Variants in ATR observed in about 807,000 individuals in gnomAD.
The protein encoded by ATR is serine/threonine-protein kinase ATR.
In ATR, 142 loss-of-function variants were observed where a neutral mutation model predicts 305.3. That is an observed-to-expected ratio of 0.47 (90% confidence interval 0.41 to 0.53). The LOEUF (loss-of-function observed/expected upper bound fraction) is 0.53, where lower values mean the gene tolerates loss of function less well. Ranked by LOEUF, ATR falls within the 20% of genes least tolerant of loss-of-function variation. The pLI, the probability that ATR is intolerant of heterozygous loss-of-function variation, is 0.00. For synonymous variants in ATR, 1,050 were observed against 1,068.1 expected (o/e 0.98, Z 0.33); for missense variants, 2,135 against 3,133.1 (o/e 0.68, Z 7.60).
At chr3:142,552,926 TG>T (rs2034527451) in intron 13 of ATR, among the ~76,000 whole-genome samples, 1 of 132,670 alleles carries the variant, frequency 7.5e-6, no homozygotes, top group Non-Finnish European at 1.6e-5. Context: ...CATGGACACA[TG>T]GGGGGAACAA....
At chr3:142,461,751 TGGAA>T (rs577425835) in intron 42 of ATR, among the ~76,000 whole-genome samples, 185 bp downstream of exon 42, 19 of 151,110 alleles carry the variant, frequency 1.3e-4, no homozygotes, top group South Asian at 2.1e-4. Context: ...GGAATCAAAA[TGGAA>T]GGAAGGAAGG....
intron 35 of ATR, among the ~76,000 whole-genome samples, chr3:142,490,290 A>G (rs2031200742): frequency 6.6e-6 from 1 of 152,174 alleles, no homozygotes; most frequent in Admixed American, 6.5e-5. Context: ...TCCTAGCTTC[A>G]AGTGATCCTC....
At chr3:142,476,505 T>A (rs2071455329) in intron 36 of ATR, among the ~76,000 whole-genome samples, 2 of 151,862 alleles carry the variant, frequency 1.3e-5, no homozygotes, top group Non-Finnish European at 2.9e-5. Context: ...AGCCTTGTAG[T>A]ATAGCTTGAA....
chr3:142,510,161 TAG>T (rs1193048776), intron 27 of ATR, among the ~76,000 whole-genome samples: 2 of 136,278 alleles, frequency 1.5e-5, no homozygotes, highest in Non-Finnish European at 3.1e-5. Flanking sequence ...ATGGTGATAA[TAG>T]AGTGTTTGGT....
Position 142,513,552 on chromosome 3 carries a change from T to C in ATR, c.4590A>G (p.Pro1530=), listed in dbSNP as rs1468718011. The part of the protein sequence containing the change: ...HDFKVTIYLL[P]HILVYVLLGC... ...CCAGTAAGACATACACCAGAATATG[T>C]GGAAGAAGATAGATGGTCACTTTGA... The change falls in exon 26 of 47, where the codon CCA becomes CCG. Residue 1530 remains proline (P), a synonymous_variant. Transcript: ENST00000350721. The C allele has an allele frequency of 2.5e-6, 4 of 1,613,286 alleles. No individual in the cohort carries two copies. The highest frequency in any genetic ancestry group is 3.4e-6 in the Non-Finnish European group (4 of 1,179,360).
intron 22 of ATR, 54 bp from the exon 23 acceptor site, chr3:142,522,895 T>C: frequency 2.3e-6 from 3 of 1,325,256 alleles, no homozygotes; most frequent in Admixed American, 3.4e-5. Context: ...TAAATTTTCT[T>C]AGGTGTACTG....
At chr3:142,449,963 TTTACA>T in intron 46 of ATR, 1 of 346,516 alleles carries the variant, frequency 2.9e-6, no homozygotes, top group South Asian at 2.9e-5. Context: ...CTGCCTAATA[TTTACA>T]TTATGTTAGT....
chr3:142,573,297 A>C (rs2035332077), intron 1 of ATR, among the ~76,000 whole-genome samples: 1 of 151,976 alleles, frequency 6.6e-6, no homozygotes, highest in Non-Finnish European at 1.5e-5. Context: ...AGATAGAAAA[A>C]TTAGCCAGGC....
At chr3:142,486,959 C>CAAAAAAAAAAAA (rs60024459) in intron 35 of ATR, among the ~76,000 whole-genome samples, 17 of 69,636 alleles carry the variant, frequency 2.4e-4, no homozygotes, top group Middle Eastern at 0.012. Context: ...ACTAAAAATA[C>CAAAAAAAAAAAA]AAAAAAAAAA....
chr3:142,576,632 G>T (rs1032226297), intron 1 of ATR, among the ~76,000 whole-genome samples: 4 of 152,174 alleles, frequency 2.6e-5, no homozygotes, highest in Admixed American at 6.5e-5. Flanking sequence ...TAGGACATGT[G>T]GGGAATTTGT....
At chr3:142,536,350 T>C (rs1270177632) in intron 19 of ATR, 149 bp from the exon 20 acceptor site, 2 of 638,980 alleles carry the variant, frequency 3.1e-6, no homozygotes, top group Non-Finnish European at 5.6e-6. Flanking sequence ...TAACTATGTC[T>C]AAGATGCTCA....
chr3:142,454,323 T>C (rs1559903101), intron 45 of ATR, among the ~76,000 whole-genome samples: 1 of 152,128 alleles, frequency 6.6e-6, no homozygotes, highest in Non-Finnish European at 1.5e-5. Context: ...TGACCCAGAC[T>C]AACACAGGGG....
chr3:142,553,119 A>T, intron 13 of ATR, 108 bp downstream of exon 13: 2 of 1,370,706 alleles, frequency 1.5e-6, no homozygotes, highest in South Asian at 2.6e-5. Context: ...TATAAATTGA[A>T]GAAAAAAGAA....
intron 36 of ATR, among the ~76,000 whole-genome samples, chr3:142,476,387 G>A (rs2071449901): frequency 2.0e-5 from 3 of 152,126 alleles, no homozygotes; most frequent in Non-Finnish European, 2.9e-5. Context: ...CAGGGTGGTC[G>A]AAGATCAGAT....
chr3:142,467,879 A>C (rs1281283884), intron 39 of ATR, 55 bp downstream of exon 39: 43 of 1,593,670 alleles, frequency 2.7e-5, no homozygotes, highest in Non-Finnish European at 2.6e-6. Flanking sequence ...ATCTGCTCAA[A>C]TTATATACAT....
chr3:142,495,104 C>T (rs1577567482), intron 34 of ATR, among the ~76,000 whole-genome samples: 1 of 152,220 alleles, frequency 6.6e-6, no homozygotes, highest in South Asian at 2.1e-4. Context: ...GGAATAAAGT[C>T]TTGTTCAGAG....
chr3:142,559,305 C>G lies in ATR; in HGVS notation c.1678G>C (p.Glu560Gln), dbSNP rs772100771. Residue 560 changes from glutamate to glutamine, a missense_variant, in exon 7 of 47, where the codon GAG (glutamate) becomes CAG (glutamine). Glu to Gln is a conservative substitution (Grantham distance 29). Coordinates refer to ENST00000350721, the MANE Select transcript of ATR (RefSeq NM_001184.4). Reference sequence around the variant, plus strand: ...TTCACCACCTTATCAATGGTTGCCTCCAGGTCCAGTTTCTGAACAGATTCT... The same window carrying G: ...TTCACCACCTTATCAATGGTTGCCTGCAGGTCCAGTTTCTGAACAGATTCT... ...LLESVQKLDL[E>Q]ATIDKVVKIY... 9.3e-6 allele frequency: 15 copies of G among 1,613,914 alleles called. No individual in the cohort carries two copies. The highest frequency in any genetic ancestry group is 1.6e-4 in the Middle Eastern group (1 of 6,074).
chr3:142,497,311 A>G (rs897953967), intron 32 of ATR, 119 bp from the exon 33 acceptor site: 1 of 1,039,782 alleles, frequency 9.6e-7, no homozygotes, highest in Non-Finnish European at 1.4e-6. Context: ...TGTCTTTGGT[A>G]GAACTTTAAT....
chr3:142,471,004 T>C (rs2071250179), intron 36 of ATR, among the ~76,000 whole-genome samples: 1 of 152,216 alleles, frequency 6.6e-6, no homozygotes, highest in Non-Finnish European at 1.5e-5. Flanking sequence ...AATATGGTTG[T>C]ACATTCACAT....
Sources: gnomAD v4.1 joint callset for allele counts (sites outside exome capture counted in the v4.1 genomes callset) on GRCh38, gnomAD v4.1.1 for gene constraint, MANE v1.5 for transcripts, NCBI Gene and HGNC (gene_info 2026-07-23, HGNC 2026-07-21) for gene names.